The following HPCAL1 variants were observed in gnomAD, a reference collection of about 807,000 sequenced individuals.
HPCAL1 encodes hippocalcin like 1.
A neutral mutation model predicts 17.1 loss-of-function variants in HPCAL1; 8 were observed. That is an observed-to-expected ratio of 0.47 (90% CI 0.27 to 0.84). The LOEUF (loss-of-function observed/expected upper bound fraction) is 0.84. Among genes scored for constraint, HPCAL1 ranks in the 40% least tolerant of loss-of-function variants. The pLI, the probability that HPCAL1 is intolerant of heterozygous loss-of-function variation, is 0.13. For missense variants in HPCAL1, 165 were observed against 271.1 expected (o/e 0.61, Z 2.75); for synonymous variants, 112 against 111.4 (o/e 1.01, Z -0.03).
intron 2 of HPCAL1, among the ~76,000 whole-genome samples, chr2:10,407,003 A>G (rs372167067): frequency 6.6e-6 from 1 of 152,148 alleles, no homozygotes; most frequent in African/African-American, 2.4e-5. Flanking sequence ...CAAAGACTCA[A>G]GCTGGAGTGA....
intron 1 of HPCAL1, among the ~76,000 whole-genome samples, chr2:10,356,065 C>G (rs1370688713): frequency 6.6e-6 from 1 of 152,154 alleles, no homozygotes; most frequent in African/African-American, 2.4e-5. Context: ...AAAACATACT[C>G]ATTCCTAACT....
chr2:10,329,212 C>T (rs1323474662), intron 1 of HPCAL1, among the ~76,000 whole-genome samples: 2 of 152,170 alleles, frequency 1.3e-5, no homozygotes, highest in East Asian at 1.9e-4. Context: ...TTGTGATAGG[C>T]GGGATAACTC....
chr2:10,338,868 T>C (rs1369341030), intron 1 of HPCAL1, among the ~76,000 whole-genome samples: 1 of 152,180 alleles, frequency 6.6e-6, no homozygotes, highest in Non-Finnish European at 1.5e-5. Flanking sequence ...GGTCATTAAT[T>C]TGATAATCAC....
rs1666582338 is a variant in HPCAL1 at position 10,362,456 on chromosome 2, G to A, written c.-110-34379G>A. On this transcript the variant is annotated intron_variant, in intron 1 of 4. Transcript: ENST00000307845. The surrounding 1 kb of genome is among the most constrained non-coding windows in gnomAD (Gnocchi z 5.0). Reference sequence around the variant, plus strand: ...TCCTACTCCTGTGGATAGACCCCCCGGAATGCAGGGGGCCGGGCTGAGCAA... The same window carrying A: ...TCCTACTCCTGTGGATAGACCCCCCAGAATGCAGGGGGCCGGGCTGAGCAA... Among the ~76,000 whole-genome samples the A allele has an allele frequency of 6.6e-6, 1 of 152,132 alleles. No individual in the cohort carries two copies. Among genetic ancestry groups the A allele is most frequent in the African/African-American group, 2.4e-5 (1 of 41,422 alleles).
intron 2 of HPCAL1, among the ~76,000 whole-genome samples, chr2:10,414,637 T>C (rs59318130): frequency 0.013 from 1,915 of 152,270 alleles, 39 homozygotes; most frequent in African/African-American, 0.044. Flanking sequence ...GTTAGGACTT[T>C]AACATGGGAA....
At chr2:10,401,041 G>A (rs1040112820) in intron 2 of HPCAL1, among the ~76,000 whole-genome samples, 5 of 152,190 alleles carry the variant, frequency 3.3e-5, no homozygotes, top group Non-Finnish European at 7.4e-5. Context: ...GGAAGGAAGG[G>A]CGGCTGACCT....
rs909924156 is a variant in HPCAL1 at position 10,367,981 on chromosome 2, C to G, written c.-110-28854C>G. ...ATAGGTGTGTGCATGTGTGTATATA[C>G]CTGTGTAGGTGTGTATGTGTGTACA... On this transcript the variant is annotated intron_variant, in intron 1 of 4. Coordinates refer to ENST00000307845, the MANE Select transcript of HPCAL1 (RefSeq NM_002149.4). This position sits in a 1 kb window ranked among gnomAD's most constrained non-coding sequence, Gnocchi z 4.4. Among the ~76,000 whole-genome samples the G allele has an allele frequency of 6.7e-6, 1 of 150,362 alleles. No individual in the cohort carries two copies. Among genetic ancestry groups the G allele is most frequent in the Non-Finnish European group, 1.5e-5 (1 of 67,632 alleles).
At chr2:10,316,151 G>T (rs1163587844) in intron 1 of HPCAL1, among the ~76,000 whole-genome samples, 1 of 152,180 alleles carries the variant, frequency 6.6e-6, no homozygotes, top group African/African-American at 2.4e-5. Context: ...CCTGGAAGGA[G>T]CCATCTCGGC....
intron 1 of HPCAL1, among the ~76,000 whole-genome samples, chr2:10,341,214 C>A (rs1269467150): frequency 1.3e-5 from 2 of 151,998 alleles, no homozygotes; most frequent in African/African-American, 2.4e-5. Context: ...AATCCTAGCA[C>A]TTTGGGAGGC....
Position 10,377,755 on chromosome 2 carries a change from G to C in HPCAL1, c.-110-19080G>C, listed in dbSNP as rs1209273398. 6.6e-6 allele frequency among the ~76,000 whole-genome samples: 1 copy of C among 152,050 alleles called. No individual in the cohort carries two copies. Among genetic ancestry groups the C allele is most frequent in the Non-Finnish European group, 1.5e-5 (1 of 68,014 alleles). On this transcript the variant is annotated intron_variant, in intron 1 of 4. Transcript: ENST00000307845. The surrounding 1 kb of genome is among the most constrained non-coding windows in gnomAD (Gnocchi z 5.9). ...GTGTTCTCTTGAGGAACTGAGTCCA[G>C]TGTGAACAGTGAACACAGAAACATA... is the stretch of plus-strand genomic sequence containing the variant.
chr2:10,391,285 G>A (rs1000499921), intron 1 of HPCAL1, among the ~76,000 whole-genome samples: 1 of 152,164 alleles, frequency 6.6e-6, no homozygotes. Context: ...TCTGTAAGGG[G>A]TGACAAGCAC....
Position 10,394,743 on chromosome 2 carries a change from G to A in HPCAL1, c.-110-2092G>A, listed in dbSNP as rs928003163. On this transcript the variant is annotated intron_variant, in intron 1 of 4. Coordinates refer to ENST00000307845, the MANE Select transcript of HPCAL1 (RefSeq NM_002149.4). This position sits in a 1 kb window ranked among gnomAD's most constrained non-coding sequence, Gnocchi z 5.0. ...TGTGGCCGGGAGTGGTGTAAGGGGT[G>A]TGTGGGAACTTTCTGCTCAATTTTG... Among the ~76,000 whole-genome samples, 1 of 152,142 alleles carries A rather than the reference G, an allele frequency of 6.6e-6. No individual in the cohort carries two copies. Among genetic ancestry groups the A allele is most frequent in the Admixed American group, 6.5e-5 (1 of 15,278 alleles).
intron 3 of HPCAL1, 73 bp downstream of exon 3, chr2:10,420,208 G>GAT: frequency 1.2e-5 from 9 of 734,136 alleles, no homozygotes; most frequent in Non-Finnish European, 1.3e-5. Flanking sequence ...CCAGCCCAGG[G>GAT]CTTTTTTTTT....
At chr2:10,397,477 G>A (rs1024431594) in intron 2 of HPCAL1, among the ~76,000 whole-genome samples, 1 of 150,990 alleles carries the variant, frequency 6.6e-6, no homozygotes, top group African/African-American at 2.4e-5. Context: ...GTAGGCTGCC[G>A]GGCCCAGGGT....
intron 1 of HPCAL1, among the ~76,000 whole-genome samples, chr2:10,349,426 C>T (rs558011956): frequency 2.0e-5 from 3 of 151,892 alleles, no homozygotes; most frequent in Admixed American, 6.6e-5. Flanking sequence ...ATGATATAGA[C>T]GCCGGGCACG....
At chr2:10,388,744 C>CAG (rs1668492283) in intron 1 of HPCAL1, among the ~76,000 whole-genome samples, 1 of 152,198 alleles carries the variant, frequency 6.6e-6, no homozygotes, top group Non-Finnish European at 1.5e-5. Flanking sequence ...CTGGGAAGGC[C>CAG]CATCTTTGTC....
Position 10,394,713 on chromosome 2 carries a change from A to G in HPCAL1, c.-110-2122A>G, listed in dbSNP as rs1295867628. Reference sequence around the variant, plus strand: ...CTGGCAGGGGATGTGGATCGTGGGGAAGGCTGTGGCCGGGAGTGGTGTAAG... The same window carrying G: ...CTGGCAGGGGATGTGGATCGTGGGGGAGGCTGTGGCCGGGAGTGGTGTAAG... On this transcript the variant is annotated intron_variant, in intron 1 of 4. Transcript: ENST00000307845. This position sits in a 1 kb window ranked among gnomAD's most constrained non-coding sequence, Gnocchi z 5.0. Among the ~76,000 whole-genome samples the G allele has an allele frequency of 6.6e-6, 1 of 152,124 alleles. No homozygotes were observed. The highest frequency in any genetic ancestry group is 1.5e-5 in the Non-Finnish European group (1 of 67,996).
intron 1 of HPCAL1, among the ~76,000 whole-genome samples, chr2:10,358,744 C>T (rs536182227): frequency 6.6e-6 from 1 of 152,248 alleles, no homozygotes; most frequent in East Asian, 1.9e-4. Flanking sequence ...AAAACCATCT[C>T]CCTTCTGGCT....
intron 1 of HPCAL1, among the ~76,000 whole-genome samples, chr2:10,334,010 A>C (rs1263477171): frequency 6.6e-6 from 1 of 152,208 alleles, no homozygotes; most frequent in Non-Finnish European, 1.5e-5. Context: ...TATAAATTCC[A>C]GTAGAGCATT....
Sources: allele counts gnomAD v4.1 joint callset (sites outside exome capture counted in the v4.1 genomes callset), GRCh38; gene constraint gnomAD v4.1.1; non-coding constraint Gnocchi (gnomAD v3.1); transcripts MANE v1.5; gene names NCBI Gene and HGNC (gene_info 2026-07-23, HGNC 2026-07-21).